The following DDX42 variants were observed in gnomAD, a reference collection of about 807,000 sequenced individuals.
The protein encoded by DDX42 is DEAD-box helicase 42, also known as ATP-dependent RNA helicase DDX42.
DDX42 carries 22 observed loss-of-function variants against 101.5 expected under a neutral mutation model. The ratio of observed to expected loss-of-function variants is 0.22; its 90% CI spans 0.15 to 0.31. DDX42 has a LOEUF of 0.31. DDX42 is among the 10% of genes least tolerant of loss of function. DDX42 has a pLI of 1.00. For missense variants in DDX42, 849 were observed against 1,199.9 expected (o/e 0.71, Z 4.32); for synonymous variants, 402 against 401.2 (o/e 1.00, Z -0.02).
intron 4 of DDX42, 145 bp from the exon 5 acceptor site, chr17:63,799,444 T>C (rs1362604116): frequency 1.3e-6 from 1 of 768,110 alleles, no homozygotes; most frequent in South Asian, 1.9e-5. Context: ...GGGTGGATAG[T>C]TTATAGTGTG....
Position 63,811,116 on chromosome 17 carries a change from G to A in DDX42, c.1341G>A (p.Lys447=), listed in dbSNP as rs764062521. 7.4e-6 allele frequency: 12 copies of A among 1,614,156 alleles called. No individual in the cohort carries two copies. The South Asian group carries it at 1.2e-4, about 16-fold the overall frequency. The change falls in exon 13 of 18, where the codon AAG becomes AAA. Residue 447 remains lysine (K), a synonymous_variant. Transcript: ENST00000389924. ...FSATFRKKIE[K]LARDILIDPI... ...CAACTTTTCGGAAGAAGATTGAAAA[G>A]TTGGCCAGAGACATCCTGATCGACC...
intron 6 of DDX42, among the ~76,000 whole-genome samples, chr17:63,803,316 C>CGGT (rs60920033): frequency 0.017 from 2,558 of 151,874 alleles, 69 homozygotes; most frequent in African/African-American, 0.058. Context: ...GGGCTGGGTG[C>CGGT]GGTGGCTCAT....
Position 63,774,234 on chromosome 17 carries a change from T to C in DDX42, c.-159T>C, listed in dbSNP as rs867563908. 2.8e-4 allele frequency: 72 copies of C among 253,258 alleles called. 1 individual carries two copies. Among genetic ancestry groups the C allele is most frequent in the African/African-American group, 1.5e-3 (42 of 27,542 alleles). 15.7% of individuals were successfully genotyped at this position (253,258 alleles called of 1,614,324 possible). Reference sequence around the variant, plus strand: ...GCGGTGGTGGCGGTGGCGGCGGCGGTGGTGGTGGTGGCGGCGGCGGCGGCG... The same window carrying C: ...GCGGTGGTGGCGGTGGCGGCGGCGGCGGTGGTGGTGGCGGCGGCGGCGGCG... On this transcript the variant is annotated 5_prime_UTR_variant, in exon 1 of 18. Coordinates refer to ENST00000389924, the MANE Select transcript of DDX42 (RefSeq NM_203499.3).
chr17:63,786,823 A>T (rs939531786), intron 1 of DDX42, among the ~76,000 whole-genome samples: 1 of 152,186 alleles, frequency 6.6e-6, no homozygotes, highest in Admixed American at 6.5e-5. Context: ...GACCACAGGC[A>T]TGTGCCACCA....
intron 8 of DDX42, among the ~76,000 whole-genome samples, chr17:63,807,150 T>G (rs1251000368): frequency 6.6e-6 from 1 of 151,882 alleles, no homozygotes; most frequent in East Asian, 1.9e-4. Context: ...TTTGTTTTTG[T>G]TTTTTTTGGG....
intron 1 of DDX42, among the ~76,000 whole-genome samples, chr17:63,785,529 A>G (rs2584641): frequency 0.39 from 48,312 of 123,510 alleles, 8,473 homozygotes; most frequent in South Asian, 0.6. Flanking sequence ...AGGGAGGCAG[A>G]TGTGAGAGGG....
Position 63,817,703 on chromosome 17 carries a change from A to G in DDX42, c.2122A>G (p.Lys708Glu). ...TCTCTTTCTCTTTCAGTCACAGTAC[A>G]AGAGTCACTTTGTTGCAGCCAGTTT... ...AMKAAFQSQY[K>E]SHFVAASLSN... Residue 708 changes from lysine to glutamate, a missense_variant, in exon 18 of 18, where the codon AAG becomes GAG. By Grantham distance (56) the Lys-to-Glu change is moderately conservative. This residue lies in a region of DDX42 where 86 missense variants were observed against 160.8 expected (regional missense o/e 0.53). Coordinates refer to ENST00000389924, the MANE Select transcript of DDX42 (RefSeq NM_203499.3). 1 of 1,614,146 alleles carries G rather than the reference A, an allele frequency of 6.2e-7. No individual in the cohort carries two copies. Among genetic ancestry groups the G allele is most frequent in the Non-Finnish European group, 8.5e-7 (1 of 1,179,984 alleles).
intron 8 of DDX42, 48 bp downstream of exon 8, chr17:63,806,702 G>A: frequency 6.4e-7 from 1 of 1,554,706 alleles, no homozygotes. Flanking sequence ...AGTCTTTCAT[G>A]ACTATATTAA....
In DDX42 at chr17:63,817,927, C is replaced by T. The variant is rs534998545; in HGVS notation, c.2346C>T (p.Ala782=). The T allele has an allele frequency of 2.7e-5, 44 of 1,614,160 alleles. No individual in the cohort carries two copies. The highest frequency in any genetic ancestry group is 6.6e-5 in the South Asian group (6 of 91,080). ...ISGAPVTYPS[A]GAQGVNNTAS... Reference sequence around the variant, plus strand: ...GTGCCCCTGTGACCTACCCGTCTGCCGGAGCCCAAGGAGTCAACAACACAG... The same window carrying T: ...GTGCCCCTGTGACCTACCCGTCTGCTGGAGCCCAAGGAGTCAACAACACAG... Residue 782 remains alanine (A), a synonymous_variant, in exon 18 of 18, where the codon GCC becomes GCT. Coordinates refer to ENST00000389924, the MANE Select transcript of DDX42 (RefSeq NM_203499.3).
intron 1 of DDX42, among the ~76,000 whole-genome samples, chr17:63,784,187 T>G (rs1310858535): frequency 3.3e-5 from 5 of 152,208 alleles, no homozygotes; most frequent in African/African-American, 7.2e-5. Context: ...CAGTGCATGT[T>G]TCTGATCTCT....
At chr17:63,815,779 C>A in intron 16 of DDX42, 106 bp downstream of exon 16, 1 of 686,874 alleles carries the variant, frequency 1.5e-6, no homozygotes. Context: ...GTTTAAAGCC[C>A]TGTCTAGAAG....
intron 3 of DDX42, among the ~76,000 whole-genome samples, chr17:63,795,986 C>T (rs560666621): frequency 1.3e-5 from 2 of 152,138 alleles, no homozygotes; most frequent in Non-Finnish European, 2.9e-5. Context: ...TCAGGGTATA[C>T]GTGTGTCTTG....
intron 3 of DDX42, among the ~76,000 whole-genome samples, chr17:63,794,777 A>G (rs1405411559): frequency 6.6e-6 from 1 of 151,566 alleles, no homozygotes; most frequent in Non-Finnish European, 1.5e-5. Context: ...TACTAAAAAT[A>G]CAAAAAAAAT....
At chr17:63,780,341 CTT>C (rs2039472864) in intron 1 of DDX42, among the ~76,000 whole-genome samples, 1 of 151,602 alleles carries the variant, frequency 6.6e-6, no homozygotes. Flanking sequence ...TGTCAAGAGA[CTT>C]AAGTAATGAT....
At chr17:63,796,735 T>A (rs1166028932) in intron 3 of DDX42, among the ~76,000 whole-genome samples, 2 of 152,270 alleles carry the variant, frequency 1.3e-5, no homozygotes, top group Non-Finnish European at 2.9e-5. Flanking sequence ...GTTCTACCAC[T>A]TTTGGTGACC....
intron 5 of DDX42, among the ~76,000 whole-genome samples, chr17:63,799,875 C>A (rs974856691): frequency 1.3e-5 from 2 of 152,174 alleles, no homozygotes; most frequent in Admixed American, 1.3e-4. Context: ...ATTCAGCTTG[C>A]TTCTTTTTAA....
intron 1 of DDX42, among the ~76,000 whole-genome samples, chr17:63,780,302 CAAAA>C (rs10595007): frequency 0.016 from 2,288 of 144,900 alleles, 61 homozygotes; most frequent in African/African-American, 0.052. Flanking sequence ...CTCAAAAAAA[CAAAA>C]AAAAAAAAAA....
In DDX42 at chr17:63,810,560, A is replaced by G. The variant is rs1253421982; in HGVS notation, c.1300A>G (p.Thr434Ala). 1.9e-6 allele frequency: 3 copies of G among 1,613,968 alleles called. No homozygotes were observed. In the African/African-American group the frequency reaches 4.0e-5, roughly 22 times the overall value. The stretch of plus-strand genomic sequence containing the variant: ...AAGTCATGTTCGTCCTGACAGGCAG[A>G]GTATGTATGAAGCACCTTTGTTAAA... ...IASHVRPDRQ[T>A]LLFSATFRKK... Residue 434 changes from threonine (T) to alanine (A), a missense_variant and splice_region_variant, in exon 12 of 18, where the codon ACT (threonine) becomes GCT (alanine). Physicochemically the swap from Thr to Ala is moderately conservative, Grantham distance 58. Coordinates refer to ENST00000389924, the MANE Select transcript of DDX42 (RefSeq NM_203499.3).
rs892537162 is a variant in DDX42, at chr17:63,811,418, T to C, written c.1398+245T>C. ...TGTTCATTTTGTGTTTTTTTTGTTT[T>C]ATTGAATGTCTCAAAACTTACAATT... On this transcript the variant is annotated intron_variant, in intron 13 of 17. Transcript: ENST00000389924. 2.6e-5 allele frequency: 11 copies of C among 424,308 alleles called. No homozygotes were observed. In the Admixed American group the frequency reaches 4.4e-4, roughly 17 times the overall value. The allele number at this position is 424,308 out of a possible 1,614,324, so 26.3% of individuals were successfully genotyped here.
Sources: gnomAD v4.1 joint callset for allele counts (sites outside exome capture counted in the v4.1 genomes callset) on GRCh38, gnomAD v4.1.1 for gene constraint, gnomAD v4.1.1 regional missense constraint, MANE v1.5 for transcripts, NCBI Gene and HGNC (gene_info 2026-07-23, HGNC 2026-07-21) for gene names.